Variants in ARPC5 observed in about 807,000 individuals in gnomAD.
ARPC5 encodes actin-related protein 2/3 complex subunit 5.
Under a neutral mutation model 15.4 loss-of-function variants are expected in ARPC5, and 5 were observed. That is an observed-to-expected ratio of 0.32 (90% CI 0.17 to 0.68). The LOEUF (loss-of-function observed/expected upper bound fraction) is 0.68, where lower values mean the gene tolerates loss of function less well. ARPC5 is among the 30% of genes least tolerant of loss of function. ARPC5 has a pLI of 0.71. For synonymous variants in ARPC5, 85 were observed against 72.2 expected, an observed-to-expected ratio of 1.18 and a Z score of -0.90; for missense variants, 138 against 192.8, an observed-to-expected ratio of 0.72 and a Z score of 1.68.
In ARPC5 at chr1:183,625,498, T is replaced by C. The variant is rs1282636327; in HGVS notation, c.*2034A>G. 6.6e-6 allele frequency: 1 copy of C among 152,228 alleles called. No homozygotes were observed. The highest frequency in any genetic ancestry group is 1.5e-5 in the Non-Finnish European group (1 of 68,044). 9.4% of individuals were successfully genotyped at this position (152,228 alleles called of 1,614,324 possible). A position where few individuals can be genotyped will look rare whatever the true frequency, so the allele number is the denominator to read the frequency against. On this transcript the variant is annotated 3_prime_UTR_variant, in exon 4 of 4. Transcript: ENST00000359856. Reference sequence around the variant, plus strand: ...TTTTATGAAAAAGCATTCAGTATCATTTGATTTTAAAGTTTGTAATTGGTT... The same window carrying C: ...TTTTATGAAAAAGCATTCAGTATCACTTGATTTTAAAGTTTGTAATTGGTT...
chr1:183,625,114 A>T lies in ARPC5; in HGVS notation c.*2418T>A, dbSNP rs906172987. On this transcript the variant is annotated 3_prime_UTR_variant, in exon 4 of 4. Transcript: ENST00000359856. ...CAAATAGTAAAAGCACTGAGATTAA[A>T]GGAGGAGAATGGGAGGTAAACAACT... is the stretch of plus-strand genomic sequence containing the variant. The T allele has an allele frequency of 6.6e-6, 1 of 152,242 alleles. No individual in the cohort carries two copies. The highest frequency in any genetic ancestry group is 2.4e-5 in the African/African-American group (1 of 41,466). 9.4% of individuals were successfully genotyped at this position (152,242 alleles called of 1,614,324 possible). A position where few individuals can be genotyped will look rare whatever the true frequency, so the allele number is the denominator to read the frequency against.
At position 183,635,544 on chromosome 1, in the gene ARPC5, T is replaced by TCGTCGGGCCCGGCCTGGC. The variant is rs1649462590; in HGVS notation, c.98_115dup (p.Gly33_Asp38dup). ...CCGCAGGCAGGAGTCCACCTCGCCC[T>TCGTCGGGCCCGGCCTGGC]CGTCGGGCCCGGCCTGGCCGTCGCC... On this transcript the variant is annotated inframe_insertion, in exon 1 of 4. Coordinates refer to ENST00000359856, the MANE Select transcript of ARPC5 (RefSeq NM_005717.4). The TCGTCGGGCCCGGCCTGGC allele has an allele frequency of 6.2e-7, 1 of 1,612,924 alleles. No individual in the cohort carries two copies. The highest frequency in any genetic ancestry group is 8.5e-7 in the Non-Finnish European group (1 of 1,179,666).
Position 183,627,431 on chromosome 1 carries a change from A to T in ARPC5, c.*101T>A. 2 of 960,318 alleles carry T rather than the reference A, an allele frequency of 2.1e-6. No individual in the cohort carries two copies. Among genetic ancestry groups the T allele is most frequent in the Admixed American group, 3.8e-5 (2 of 52,214 alleles). 59.5% of individuals were successfully genotyped at this position (960,318 alleles called of 1,614,324 possible). A position where few individuals can be genotyped will look rare whatever the true frequency, so the allele number is the denominator to read the frequency against. ...GAAAAAGCAAGAAGGCAAAGCTGAG[A>T]GAAACAGATGCTACCCACAGGGCAG... On this transcript the variant is annotated 3_prime_UTR_variant, in exon 4 of 4. Transcript: ENST00000359856.
In ARPC5 at chr1:183,627,463, C is replaced by A. The variant is rs1463071348; in HGVS notation, c.*69G>T. The A allele has an allele frequency of 7.6e-7, 1 of 1,323,380 alleles. No homozygotes were observed. The highest frequency in any genetic ancestry group is 1.5e-5 in the African/African-American group (1 of 68,870). The allele number at this position is 1,323,380 out of a possible 1,614,324, so 82.0% of individuals were successfully genotyped here. A position where few individuals can be genotyped will look rare whatever the true frequency, so the allele number is the denominator to read the frequency against. On this transcript the variant is annotated 3_prime_UTR_variant, in exon 4 of 4. Transcript: ENST00000359856. The stretch of plus-strand genomic sequence containing the variant: ...GATGCTACCCACAGGGCAGCGGTGG[C>A]ATTTGGTTGTTTTGGTCTTTGTACC...
Position 183,630,536 on chromosome 1 carries a change from T to C in ARPC5, c.318A>G (p.Leu106=). ...QSLDKNGVDL[L]MKYIYKGFES... ...CAAATCCTTTATAAATATACTTCAT[T>C]AGGAGATCCACACCATTCTTGTCCA... The change falls in exon 3 of 4, where the codon CTA becomes CTG. Residue 106 remains leucine (L), a synonymous_variant. Coordinates refer to ENST00000359856, the MANE Select transcript of ARPC5 (RefSeq NM_005717.4). The C allele has an allele frequency of 6.2e-7, 1 of 1,602,526 alleles. No individual in the cohort carries two copies. The highest frequency in any genetic ancestry group is 1.4e-5 in the African/African-American group (1 of 71,926).
Position 183,627,293 on chromosome 1 carries a change from C to T in ARPC5, c.*239G>A, listed in dbSNP as rs1035823002. The T allele has an allele frequency of 1.8e-6, 1 of 543,452 alleles. No individual in the cohort carries two copies. Among genetic ancestry groups the T allele is most frequent in the Non-Finnish European group, 3.4e-6 (1 of 297,088 alleles). 33.7% of individuals were successfully genotyped at this position (543,452 alleles called of 1,614,324 possible). On this transcript the variant is annotated 3_prime_UTR_variant, in exon 4 of 4. Coordinates refer to ENST00000359856, the MANE Select transcript of ARPC5 (RefSeq NM_005717.4). ...ACTATATACAGATTGGTATAAACAT[C>T]ACTGAAATGGTTTTGAAAGGATGAA...
intron 3 of ARPC5, among the ~76,000 whole-genome samples, chr1:183,628,875 C>A (rs936199398): frequency 1.3e-5 from 2 of 152,170 alleles, no homozygotes; most frequent in African/African-American, 4.8e-5. Flanking sequence ...TTGACTTTAT[C>A]CTGCAGGTGA....
chr1:183,623,468 G>C lies in ARPC5; in HGVS notation c.*4064C>G. 1.3e-6 allele frequency: 2 copies of C among 1,550,366 alleles called. No homozygotes were observed. The highest frequency in any genetic ancestry group is 1.7e-6 in the Non-Finnish European group (2 of 1,146,878). On this transcript the variant is annotated 3_prime_UTR_variant, in exon 4 of 4. Transcript: ENST00000359856. ...CTCCATATCTGGAATCATACAAGAG[G>C]CACCTGCACAGAACGTTTTCACATT...
At position 183,626,438 on chromosome 1, in the gene ARPC5, G is replaced by A. The variant is rs868192288; in HGVS notation, c.*1094C>T. 2 of 152,392 alleles carry A rather than the reference G, an allele frequency of 1.3e-5. No homozygotes were observed. The highest frequency in any genetic ancestry group is 4.8e-5 in the African/African-American group (2 of 41,422). The allele number at this position is 152,392 out of a possible 1,614,324, so 9.4% of individuals were successfully genotyped here. A position where few individuals can be genotyped will look rare whatever the true frequency, so the allele number is the denominator to read the frequency against. ...ATATTTATAACTTTTTATAAGCACC[G>A]GTCATTTTTTGAGAACTGATTTGGT... On this transcript the variant is annotated 3_prime_UTR_variant, in exon 4 of 4. Transcript: ENST00000359856.
At position 183,627,403 on chromosome 1, in the gene ARPC5, T is replaced by A. The variant is rs1366730886; in HGVS notation, c.*129A>T. On this transcript the variant is annotated 3_prime_UTR_variant, in exon 4 of 4. Coordinates refer to ENST00000359856, the MANE Select transcript of ARPC5 (RefSeq NM_005717.4). Reference sequence around the variant, plus strand: ...GATATGTAATTTTTTTCTTTACAGATATGAAAAAGCAAGAAGGCAAAGCTG... The same window carrying A: ...GATATGTAATTTTTTTCTTTACAGAAATGAAAAAGCAAGAAGGCAAAGCTG... The A allele has an allele frequency of 3.9e-6, 3 of 762,766 alleles. No individual in the cohort carries two copies. The highest frequency in any genetic ancestry group is 3.5e-5 in the African/African-American group (2 of 57,178). 47.2% of individuals were successfully genotyped at this position (762,766 alleles called of 1,614,324 possible).
rs1648994803 is a variant in ARPC5 at position 183,623,492 on chromosome 1, T to C, written c.*4040A>G. 2.6e-6 allele frequency: 4 copies of C among 1,550,088 alleles called. No individual in the cohort carries two copies. Among genetic ancestry groups the C allele is most frequent in the East Asian group, 2.4e-5 (1 of 40,908 alleles). ...GGCACCTGCACAGAACGTTTTCACA[T>C]TGGGGTTTTCACATATTGTACTAGT... On this transcript the variant is annotated 3_prime_UTR_variant, in exon 4 of 4. Coordinates refer to ENST00000359856, the MANE Select transcript of ARPC5 (RefSeq NM_005717.4).
chr1:183,622,668 G>A lies in ARPC5; in HGVS notation c.*4864C>T, dbSNP rs1051471058. ...ATAAACTCCCATAGTGCCACTGTTA[G>A]CCAGATATGAGCTGGAATTCTGTTC... On this transcript the variant is annotated 3_prime_UTR_variant, in exon 4 of 4. Transcript: ENST00000359856. The A allele has an allele frequency of 1.3e-5, 2 of 152,220 alleles. No homozygotes were observed. Among genetic ancestry groups the A allele is most frequent in the African/African-American group, 4.8e-5 (2 of 41,434 alleles). The allele number at this position is 152,220 out of a possible 1,614,324, so 9.4% of individuals were successfully genotyped here. A position where few individuals can be genotyped will look rare whatever the true frequency, so the allele number is the denominator to read the frequency against.
chr1:183,635,138 A>G (rs1206411346), intron 1 of ARPC5, among the ~76,000 whole-genome samples: 1 of 152,232 alleles, frequency 6.6e-6, no homozygotes. Flanking sequence ...TTCTAGGAAG[A>G]AAAACTAAGG....
rs959732543 is a variant in ARPC5 at position 183,621,672 on chromosome 1, T to C, written c.*5860A>G. ...TTGATGATATGCTAAACAAGGGGTGTATTATTCATGCCTCCCCTTTTTAGA... is the reference window on the plus strand; with the variant it reads ...TTGATGATATGCTAAACAAGGGGTGCATTATTCATGCCTCCCCTTTTTAGA... On this transcript the variant is annotated 3_prime_UTR_variant, in exon 4 of 4. Coordinates refer to ENST00000359856, the MANE Select transcript of ARPC5 (RefSeq NM_005717.4). The C allele has an allele frequency of 6.6e-6, 1 of 152,228 alleles. No individual in the cohort carries two copies. The highest frequency in any genetic ancestry group is 2.4e-5 in the African/African-American group (1 of 41,452). The allele number at this position is 152,228 out of a possible 1,614,324, so 9.4% of individuals were successfully genotyped here.
Position 183,625,433 on chromosome 1 carries a change from T to C in ARPC5, c.*2099A>G, listed in dbSNP as rs969905735. On this transcript the variant is annotated 3_prime_UTR_variant, in exon 4 of 4. Coordinates refer to ENST00000359856, the MANE Select transcript of ARPC5 (RefSeq NM_005717.4). ...GTGAACAAATATGAACTCCAGAATT[T>C]TTCCAAACGCTTCAGTTATGAAAGT... 9.8e-5 allele frequency: 15 copies of C among 152,378 alleles called. No homozygotes were observed. The highest frequency in any genetic ancestry group is 3.6e-4 in the African/African-American group (15 of 41,594). The allele number at this position is 152,378 out of a possible 1,614,324, so 9.4% of individuals were successfully genotyped here. A position where few individuals can be genotyped will look rare whatever the true frequency, so the allele number is the denominator to read the frequency against.
At chr1:183,628,868 ACT>A (rs1214734346) in intron 3 of ARPC5, among the ~76,000 whole-genome samples, 2 of 152,194 alleles carry the variant, frequency 1.3e-5, no homozygotes, top group African/African-American at 2.4e-5. Flanking sequence ...GGGAACTTTG[ACT>A]TTATCCTGCA....
rs1648981624 is a variant in ARPC5 at position 183,623,007 on chromosome 1, G to A, written c.*4525C>T. ...CTCGTTCAATGTTATGCAACCAAGAGATATTTGTTGAACATCAACTATGCC... is the reference window on the plus strand; with the variant it reads ...CTCGTTCAATGTTATGCAACCAAGAAATATTTGTTGAACATCAACTATGCC... On this transcript the variant is annotated 3_prime_UTR_variant, in exon 4 of 4. Transcript: ENST00000359856. The A allele has an allele frequency of 5.9e-6, 1 of 169,842 alleles. No homozygotes were observed. The highest frequency in any genetic ancestry group is 1.3e-5 in the Non-Finnish European group (1 of 78,178). 10.5% of individuals were successfully genotyped at this position (169,842 alleles called of 1,614,324 possible).
At position 183,621,904 on chromosome 1, in the gene ARPC5, C is replaced by T. The variant is rs1648950238; in HGVS notation, c.*5628G>A. The T allele has an allele frequency of 6.6e-6, 1 of 152,210 alleles. No individual in the cohort carries two copies. The highest frequency in any genetic ancestry group is 1.5e-5 in the Non-Finnish European group (1 of 68,032). 9.4% of individuals were successfully genotyped at this position (152,210 alleles called of 1,614,324 possible). ...TCTTGTGTTGACCTCCTATCTCATCCTGTGACTTAGAATGCCTTAACCATC... is the reference window on the plus strand; with the variant it reads ...TCTTGTGTTGACCTCCTATCTCATCTTGTGACTTAGAATGCCTTAACCATC... On this transcript the variant is annotated 3_prime_UTR_variant, in exon 4 of 4. Transcript: ENST00000359856.
Position 183,623,264 on chromosome 1 carries a change from CAT to C in ARPC5, c.*4266_*4267del. The C allele has an allele frequency of 2.9e-6, 2 of 688,490 alleles. No individual in the cohort carries two copies. Among genetic ancestry groups the C allele is most frequent in the Non-Finnish European group, 4.9e-6 (2 of 408,120 alleles). The allele number at this position is 688,490 out of a possible 1,614,324, so 42.6% of individuals were successfully genotyped here. A position where few individuals can be genotyped will look rare whatever the true frequency, so the allele number is the denominator to read the frequency against. Reference sequence around the variant, plus strand: ...TTCAGAGAGAAATAAGAGATGTAAACATAGATTATTTATGTTGATTACTCTTA... The same window carrying C: ...TTCAGAGAGAAATAAGAGATGTAAACAGATTATTTATGTTGATTACTCTTA... On this transcript the variant is annotated 3_prime_UTR_variant, in exon 4 of 4. Transcript: ENST00000359856.
Sources: allele counts gnomAD v4.1 joint callset (sites outside exome capture counted in the v4.1 genomes callset), GRCh38; gene constraint gnomAD v4.1.1; transcripts MANE v1.5; gene names NCBI Gene and HGNC (gene_info 2026-07-23, HGNC 2026-07-21).